SLC7A1: variants seen among roughly 807,000 people sequenced by gnomAD.
SLC7A1 encodes high affinity cationic amino acid transporter 1.
A neutral mutation model predicts 53.9 loss-of-function variants in SLC7A1; 10 were observed. The observed-to-expected ratio is 0.19, with a 90% CI of 0.11 to 0.31. The LOEUF is 0.31. Among genes scored for constraint, SLC7A1 ranks in the 10% least tolerant of loss-of-function variants. SLC7A1 has a pLI of 1.00. For missense variants in SLC7A1, 525 were observed against 827.2 expected, an observed-to-expected ratio of 0.63 and a Z score of 4.48; for synonymous variants, 342 against 338.7, an observed-to-expected ratio of 1.01 and a Z score of -0.11.
At chr13:29,515,995 G>A in intron 12 of SLC7A1, 143 bp downstream of exon 12, 1 of 571,758 alleles carries the variant, frequency 1.7e-6, no homozygotes, top group East Asian at 2.9e-5. Context: ...AGGGAGGAGA[G>A]GACTCACAGC....
At chr13:29,521,454 C>T (rs1435986587) in intron 8 of SLC7A1, among the ~76,000 whole-genome samples, 2 of 152,194 alleles carry the variant, frequency 1.3e-5, no homozygotes, top group Non-Finnish European at 2.9e-5. Flanking sequence ...TAAAAACAAC[C>T]CTGGAATCAC....
chr13:29,581,418 G>A (rs1241450555), intron 1 of SLC7A1, among the ~76,000 whole-genome samples: 1 of 151,940 alleles, frequency 6.6e-6, no homozygotes, highest in Non-Finnish European at 1.5e-5. Flanking sequence ...AGTAAACATA[G>A]GTCAGACACA....
At chr13:29,585,266 C>A (rs1324034692) in intron 1 of SLC7A1, among the ~76,000 whole-genome samples, 1 of 152,166 alleles carries the variant, frequency 6.6e-6, no homozygotes, top group African/African-American at 2.4e-5. Flanking sequence ...GAATTGACTC[C>A]CATCCCCTAG....
chr13:29,590,348 C>G (rs1435515711), intron 1 of SLC7A1, among the ~76,000 whole-genome samples: 1 of 152,156 alleles, frequency 6.6e-6, no homozygotes. Context: ...GGCAGTCACT[C>G]CCGTCCTGCC....
chr13:29,594,008 G>T (rs919323027), intron 1 of SLC7A1, among the ~76,000 whole-genome samples: 1 of 151,712 alleles, frequency 6.6e-6, no homozygotes, highest in African/African-American at 2.4e-5. Flanking sequence ...TATTCTGTTC[G>T]TGTGACTTAA....
At position 29,515,250 on chromosome 13, in the gene SLC7A1, T is replaced by C. The variant is rs535821975; in HGVS notation, c.1787-667A>G. 3.3e-4 allele frequency among the ~76,000 whole-genome samples: 51 copies of C among 152,316 alleles called. 1 individual carries two copies. Among genetic ancestry groups the C allele is most frequent in the Middle Eastern group, 3.4e-3 (1 of 294 alleles). On this transcript the variant is annotated intron_variant, in intron 12 of 12. Coordinates refer to ENST00000380752, the MANE Select transcript of SLC7A1 (RefSeq NM_003045.5). ...CTCAGGCTCCTGCACACAGGGACTTTGACAGGGATGCTGGGAAGAGGCGCC... is the reference window on the plus strand; with the variant it reads ...CTCAGGCTCCTGCACACAGGGACTTCGACAGGGATGCTGGGAAGAGGCGCC...
At chr13:29,520,401 G>A (rs546824862) in intron 8 of SLC7A1, among the ~76,000 whole-genome samples, 5 of 152,258 alleles carry the variant, frequency 3.3e-5, no homozygotes, top group East Asian at 3.9e-4. Flanking sequence ...CAGGCAGGCG[G>A]GCAGGAGAGC....
chr13:29,581,174 G>A (rs528315780), intron 1 of SLC7A1, among the ~76,000 whole-genome samples: 43 of 152,196 alleles, frequency 2.8e-4, no homozygotes, highest in South Asian at 1.2e-3. Context: ...GCTTAAGAAC[G>A]TTCCATTCCC....
intron 9 of SLC7A1, among the ~76,000 whole-genome samples, chr13:29,519,024 G>A (rs117653229): frequency 3.0e-4 from 46 of 152,294 alleles, no homozygotes; most frequent in Non-Finnish European, 5.1e-4. Context: ...ACAGCGCAAC[G>A]AAGCTGCAGA....
intron 5 of SLC7A1, among the ~76,000 whole-genome samples, chr13:29,526,036 G>C (rs1038096088): frequency 3.9e-5 from 6 of 152,320 alleles, no homozygotes; most frequent in Admixed American, 6.5e-5. Flanking sequence ...GCTCAAGAGG[G>C]GGAGGATGAG....
chr13:29,566,297 G>C (rs61361495), intron 1 of SLC7A1, among the ~76,000 whole-genome samples: 1 of 152,192 alleles, frequency 6.6e-6, no homozygotes, highest in Non-Finnish European at 1.5e-5. Context: ...ATAAAGGAAA[G>C]CAAGTGTCCA....
At position 29,591,243 on chromosome 13, in the gene SLC7A1, C is replaced by A. The variant is rs188828931; in HGVS notation, c.-115+4173G>T. 1.2e-3 allele frequency among the ~76,000 whole-genome samples: 186 copies of A among 152,314 alleles called. 1 individual carries two copies. Among genetic ancestry groups the A allele is most frequent in the Admixed American group, 2.1e-3 (32 of 15,306 alleles). On this transcript the variant is annotated intron_variant, in intron 1 of 12. Transcript: ENST00000380752. ...GTTAAATCCATAACATGGATTATCT[C>A]ATTTAAATCCTCTCAGTCCTATAAA...
chr13:29,586,223 C>G (rs377196175), intron 1 of SLC7A1, among the ~76,000 whole-genome samples: 11 of 152,366 alleles, frequency 7.2e-5, no homozygotes, highest in African/African-American at 2.4e-4. Context: ...CAGAACTGAG[C>G]TGCTAGGGCA....
chr13:29,533,653 C>T (rs1869275152), intron 3 of SLC7A1, among the ~76,000 whole-genome samples: 1 of 152,178 alleles, frequency 6.6e-6, no homozygotes, highest in Non-Finnish European at 1.5e-5. Flanking sequence ...AGCAGACAGA[C>T]CCCAGCCCTC....
chr13:29,583,442 T>C (rs937724809), intron 1 of SLC7A1, among the ~76,000 whole-genome samples: 2 of 152,252 alleles, frequency 1.3e-5, no homozygotes, highest in Non-Finnish European at 2.9e-5. Context: ...AAGAGACTCT[T>C]GCTGGGACCT....
At chr13:29,543,787 G>A (rs1269308401) in intron 2 of SLC7A1, among the ~76,000 whole-genome samples, 1 of 151,032 alleles carries the variant, frequency 6.6e-6, no homozygotes, top group African/African-American at 2.4e-5. Flanking sequence ...GGTTCTACAG[G>A]AGGAGGGAGG....
rs1868664797 is a variant in SLC7A1, at chr13:29,522,309, G to A, written c.1189+8C>T. On this transcript the variant is annotated splice_region_variant and intron_variant, in intron 8 of 12. Transcript: ENST00000380752. ...ACATTTCCATGTGAAATGAGTTCTA[G>A]TACTCACCAGCAACGGCACCCGAGG... 6.2e-7 allele frequency: 1 copy of A among 1,613,998 alleles called. No individual in the cohort carries two copies. The highest frequency in any genetic ancestry group is 1.3e-5 in the African/African-American group (1 of 74,922).
chr13:29,519,378 G>C (rs1056076368), intron 9 of SLC7A1, 69 bp downstream of exon 9: 6 of 908,938 alleles, frequency 6.6e-6, no homozygotes, highest in African/African-American at 6.5e-5. Flanking sequence ...ATAAACCATA[G>C]CTGAACTGTG....
At chr13:29,520,009 A>G (rs1172398405) in intron 8 of SLC7A1, among the ~76,000 whole-genome samples, 2 of 151,838 alleles carry the variant, frequency 1.3e-5, no homozygotes, top group Non-Finnish European at 2.9e-5. Context: ...CATCCATCCT[A>G]TCGGTCCATC....
Sources: gnomAD v4.1 joint callset for allele counts (sites outside exome capture counted in the v4.1 genomes callset) on GRCh38, gnomAD v4.1.1 for gene constraint, MANE v1.5 for transcripts, NCBI Gene and HGNC (gene_info 2026-07-23, HGNC 2026-07-21) for gene names.